The following OPRM1 variants were observed in gnomAD, a reference collection of about 807,000 sequenced individuals.
The protein encoded by OPRM1 is opioid receptor mu 1.
OPRM1 carries 27 observed loss-of-function variants against 31.8 expected under a neutral mutation model. That is an observed-to-expected ratio of 0.85 (90% CI 0.63 to 1.17). The LOEUF (loss-of-function observed/expected upper bound fraction) is 1.17, where lower values mean the gene tolerates loss of function less well. OPRM1 is among the 50% of genes most tolerant of loss of function. The probability of loss-of-function intolerance (pLI) is 0.00; values close to 1 mark genes in which losing one functional copy is unlikely to be tolerated. For missense variants in OPRM1, 536 were observed against 511.1 expected, an observed-to-expected ratio of 1.05 and a Z score of -0.47; for synonymous variants, 196 against 189.9, an observed-to-expected ratio of 1.03 and a Z score of -0.26.
At chr6:154,072,786 T>C (rs189428577) in intron 1 of OPRM1, among the ~76,000 whole-genome samples, 1 of 152,312 alleles carries the variant, frequency 6.6e-6, no homozygotes, top group Admixed American at 6.5e-5. Flanking sequence ...ATAAATATCT[T>C]TATGATGGAA....
In OPRM1 at chr6:154,095,329, C is replaced by T. The variant is rs141532638; in HGVS notation, c.1164+3857C>T. ...GAAAAGAAAGAAAGTACTTCCAAAA[C>T]ATCCAAAGCATTGGACAGATTCATG... On this transcript the variant is annotated intron_variant, in intron 3 of 3. Transcript: ENST00000330432. Among the ~76,000 whole-genome samples, 407 of 152,272 alleles carry T rather than the reference C, an allele frequency of 2.7e-3. 1 individual carries two copies. Among genetic ancestry groups the T allele is most frequent in the African/African-American group, 9.1e-3 (380 of 41,566 alleles).
chr6:154,020,756 G>A (rs1036336306), intron 1 of OPRM1, among the ~76,000 whole-genome samples: 4 of 152,072 alleles, frequency 2.6e-5, no homozygotes, highest in Admixed American at 6.6e-5. Flanking sequence ...GTGGTATCTC[G>A]TTTTAATTTG....
intron 3 of OPRM1, among the ~76,000 whole-genome samples, chr6:154,237,930 G>C (rs1449334876): frequency 6.6e-6 from 1 of 151,996 alleles, no homozygotes; most frequent in Non-Finnish European, 1.5e-5. Context: ...TTATTTTTAA[G>C]TTAGTGTGTG....
At chr6:154,109,269 C>G (rs1465107906) in intron 3 of OPRM1, among the ~76,000 whole-genome samples, 1 of 152,134 alleles carries the variant, frequency 6.6e-6, no homozygotes, top group South Asian at 2.1e-4. Context: ...TGGACTCAAC[C>G]AACATAGCCC....
intron 3 of OPRM1, among the ~76,000 whole-genome samples, chr6:154,194,206 C>T (rs1322085786): frequency 6.6e-6 from 1 of 152,176 alleles, no homozygotes; most frequent in African/African-American, 2.4e-5. Context: ...TCGAGACCAG[C>T]CTGACCAACG....
At chr6:154,246,551 A>G in intron 3 of OPRM1, 1 of 1,578,382 alleles carries the variant, frequency 6.3e-7, no homozygotes. Context: ...CGTATCCCTC[A>G]TTAAAACGGC....
At chr6:154,157,965 G>A (rs1798781700) in intron 3 of OPRM1, 1 of 152,250 alleles carries the variant, frequency 6.6e-6, no homozygotes, top group South Asian at 2.1e-4. Context: ...TTCCCTAGGT[G>A]GAGAAGTACC....
chr6:154,062,864 T>C (rs1313376498), intron 1 of OPRM1, among the ~76,000 whole-genome samples: 1 of 152,024 alleles, frequency 6.6e-6, no homozygotes, highest in East Asian at 1.9e-4. Flanking sequence ...CATCAACAGT[T>C]TGGACAAATC....
At chr6:154,141,859 C>T (rs1798221045) in intron 3 of OPRM1, among the ~76,000 whole-genome samples, 1 of 151,982 alleles carries the variant, frequency 6.6e-6, no homozygotes, top group Non-Finnish European at 1.5e-5. Flanking sequence ...CAGTTCCCGG[C>T]TTGAATTTTC....
At chr6:154,193,727 C>T (rs1268092212) in intron 3 of OPRM1, among the ~76,000 whole-genome samples, 4 of 152,340 alleles carry the variant, frequency 2.6e-5, no homozygotes, top group Middle Eastern at 3.4e-3. Flanking sequence ...ACAAACACTT[C>T]GGCCTTGCTG....
intron 1 of OPRM1, among the ~76,000 whole-genome samples, chr6:154,014,837 C>T (rs1425191164): frequency 6.6e-6 from 1 of 152,060 alleles, no homozygotes; most frequent in Non-Finnish European, 1.5e-5. Context: ...TTGAATAAGG[C>T]ATAGGGTATA....
intron 3 of OPRM1, among the ~76,000 whole-genome samples, chr6:154,148,327 C>T (rs1798409922): frequency 6.6e-6 from 1 of 152,198 alleles, no homozygotes; most frequent in South Asian, 2.1e-4. Flanking sequence ...ATCAAGTTGC[C>T]AACAAGTATC....
At chr6:154,062,600 C>T (rs1378277424) in intron 1 of OPRM1, among the ~76,000 whole-genome samples, 5 of 151,970 alleles carry the variant, frequency 3.3e-5, no homozygotes, top group Non-Finnish European at 7.4e-5. Context: ...CTTTCTGTTT[C>T]CTAGAAAAAT....
intron 1 of OPRM1, among the ~76,000 whole-genome samples, chr6:154,013,672 T>G (rs1276502828): frequency 6.6e-6 from 1 of 152,156 alleles, no homozygotes; most frequent in Non-Finnish European, 1.5e-5. Flanking sequence ...TATTTATTGC[T>G]CATGTGTCTG....
upstream of OPRM1, chr6:154,039,162 T>C (rs1409752963): frequency 1.9e-6 from 3 of 1,551,530 alleles, no homozygotes; most frequent in Non-Finnish European, 2.6e-6. Context: ...CTCCTTTAGA[T>C]GTGTTTGCAC....
chr6:154,138,846 C>A (rs1272181426), intron 3 of OPRM1, among the ~76,000 whole-genome samples: 1 of 152,216 alleles, frequency 6.6e-6, no homozygotes. Flanking sequence ...TCTGACCCTC[C>A]CTAAACTGCT....
intron 3 of OPRM1, among the ~76,000 whole-genome samples, chr6:154,111,858 C>T (rs1314957878): frequency 1.3e-5 from 2 of 152,062 alleles, no homozygotes; most frequent in Admixed American, 6.5e-5. Context: ...CTCCGCCTCC[C>T]GAGTTCATGC....
chr6:154,227,544 TC>T (rs1170118634), intron 3 of OPRM1, among the ~76,000 whole-genome samples: 1 of 151,872 alleles, frequency 6.6e-6, no homozygotes, highest in Non-Finnish European at 1.5e-5. Context: ...CATGGTGAAA[TC>T]CCATCTCTGC....
At chr6:154,183,258 C>T (rs1013675492) in intron 3 of OPRM1, among the ~76,000 whole-genome samples, 2 of 152,004 alleles carry the variant, frequency 1.3e-5, no homozygotes, top group Admixed American at 6.5e-5. Flanking sequence ...GGATTACAGG[C>T]GTGAGCCACC....
Sources: allele counts gnomAD v4.1 joint callset (sites outside exome capture counted in the v4.1 genomes callset), GRCh38; gene constraint gnomAD v4.1.1; transcripts MANE v1.5; gene names NCBI Gene and HGNC (gene_info 2026-07-23, HGNC 2026-07-21).